The following ZMYND11 variants were observed in gnomAD, a reference collection of about 807,000 sequenced individuals.
ZMYND11 encodes the protein zinc finger MYND domain-containing protein 11.
Under a neutral mutation model 84.9 loss-of-function variants are expected in ZMYND11, and 9 were observed. That is an observed-to-expected ratio of 0.11 (90% CI 0.06 to 0.18). The LOEUF is 0.18. Among genes scored for constraint, ZMYND11 ranks in the 10% least tolerant of loss-of-function variants. The probability of loss-of-function intolerance (pLI) is 1.00; values close to 1 mark genes in which losing one functional copy is unlikely to be tolerated. For synonymous variants in ZMYND11, 250 were observed against 244.1 expected, an observed-to-expected ratio of 1.02 and a Z score of -0.23; for missense variants, 409 against 761.0, an observed-to-expected ratio of 0.54 and a Z score of 5.44.
chr10:184,188 T>G (rs1336525893), intron 2 of ZMYND11, among the ~76,000 whole-genome samples: 1 of 152,202 alleles, frequency 6.6e-6, no homozygotes, highest in African/African-American at 2.4e-5. Context: ...TGATAAAATT[T>G]TAGAATCTCG....
chr10:187,615 A>C (rs1416211820), intron 2 of ZMYND11, among the ~76,000 whole-genome samples: 3 of 140,418 alleles, frequency 2.1e-5, no homozygotes, highest in Middle Eastern at 3.5e-3. Flanking sequence ...GCCTGGGCTA[A>C]ACAGCGGGAC....
chr10:233,565 A>T (rs1949397499), intron 4 of ZMYND11, among the ~76,000 whole-genome samples: 1 of 152,200 alleles, frequency 6.6e-6, no homozygotes, highest in South Asian at 2.1e-4. Context: ...TGGGGTAGTT[A>T]TGAAGGTAAT....
chr10:200,613 A>G (rs990338786), intron 2 of ZMYND11, among the ~76,000 whole-genome samples: 2 of 151,776 alleles, frequency 1.3e-5, no homozygotes, highest in East Asian at 3.9e-4. Context: ...GTCTTGCCCC[A>G]TCTCAAGTTA....
chr10:232,405 C>G (rs568268435), intron 4 of ZMYND11, among the ~76,000 whole-genome samples: 2 of 152,336 alleles, frequency 1.3e-5, no homozygotes, highest in South Asian at 2.1e-4. Context: ...AAAGAAAACC[C>G]TCAAGTTTTT....
At chr10:232,389 T>TCTTG (rs1276091329) in intron 4 of ZMYND11, among the ~76,000 whole-genome samples, 1 of 152,228 alleles carries the variant, frequency 6.6e-6, no homozygotes, top group African/African-American at 2.4e-5. Context: ...AACTGGAAAG[T>TCTTG]CTTGGAAAGA....
chr10:193,101 A>T lies in ZMYND11; in HGVS notation c.116+12973A>T, dbSNP rs560930696. Among the ~76,000 whole-genome samples the T allele has an allele frequency of 7.2e-5, 11 of 152,296 alleles. No individual in the cohort carries two copies. In the South Asian group the frequency reaches 2.1e-3, roughly 29 times the overall value. ...ATGCTTTTGAAATTTTATTTTAAGAAGACCTTATCCTGAAGGAGGCCACAG... is the reference window on the plus strand; with the variant it reads ...ATGCTTTTGAAATTTTATTTTAAGATGACCTTATCCTGAAGGAGGCCACAG... On this transcript the variant is annotated intron_variant, in intron 2 of 14. Coordinates refer to ENST00000381604, the MANE Select transcript of ZMYND11 (RefSeq NM_001370100.5).
chr10:191,323 C>T (rs544377842), intron 2 of ZMYND11, among the ~76,000 whole-genome samples: 11 of 152,226 alleles, frequency 7.2e-5, no homozygotes, highest in Admixed American at 3.3e-4. Context: ...TGTTTCCTTC[C>T]GGCATTTTTT....
intron 2 of ZMYND11, among the ~76,000 whole-genome samples, chr10:183,224 GTT>G (rs1214194132): frequency 3.1e-5 from 4 of 130,728 alleles, no homozygotes; most frequent in Admixed American, 7.6e-5. Context: ...TTTGTTGTTG[GTT>G]TTTTTTTTTT....
At chr10:149,161 A>T (rs2131289387) in intron 1 of ZMYND11, among the ~76,000 whole-genome samples, 1 of 152,104 alleles carries the variant, frequency 6.6e-6, no homozygotes, top group Non-Finnish European at 1.5e-5. Context: ...GGCTGAACCG[A>T]AACTTGCCCA....
intron 2 of ZMYND11, among the ~76,000 whole-genome samples, chr10:207,702 G>A (rs1163591030): frequency 3.3e-5 from 5 of 152,108 alleles, no homozygotes; most frequent in Non-Finnish European, 2.9e-5. Context: ...AATCAATATC[G>A]TGAAAATGGC....
chr10:142,378 A>G (rs1022770032), intron 1 of ZMYND11, among the ~76,000 whole-genome samples: 1 of 152,076 alleles, frequency 6.6e-6, no homozygotes, highest in Admixed American at 6.6e-5. Flanking sequence ...GGTGTGACCC[A>G]CCTTGCCCAG....
At chr10:145,726 C>T (rs1838672565) in intron 1 of ZMYND11, among the ~76,000 whole-genome samples, 1 of 151,930 alleles carries the variant, frequency 6.6e-6, no homozygotes, top group African/African-American at 2.4e-5. Context: ...TGTCATTTGT[C>T]CGCTTTTTGA....
Position 210,274 on chromosome 10 carries a change from T to C in ZMYND11, c.276+226T>C. ...GCTTCTCTATATATTACCTTGAATC[T>C]AAAAAAGAAAGCAAACCAAAGCTCT... is the stretch of plus-strand genomic sequence containing the variant. On this transcript the variant is annotated intron_variant, in intron 3 of 14. Transcript: ENST00000381604. 1.3e-5 allele frequency among the ~76,000 whole-genome samples: 2 copies of C among 152,242 alleles called. 1 individual carries two copies. Among genetic ancestry groups the C allele is most frequent in the Non-Finnish European group, 2.9e-5 (2 of 68,044 alleles).
At chr10:214,945 C>T (rs911806063) in intron 3 of ZMYND11, among the ~76,000 whole-genome samples, 10 of 152,182 alleles carry the variant, frequency 6.6e-5, no homozygotes, top group Admixed American at 1.3e-4. Context: ...ATAAGATACT[C>T]ACTAAAGATG....
At chr10:163,703 T>G (rs1843403071) in intron 1 of ZMYND11, among the ~76,000 whole-genome samples, 1 of 152,126 alleles carries the variant, frequency 6.6e-6, no homozygotes, top group African/African-American at 2.4e-5. Flanking sequence ...TCTGTTTGCC[T>G]GATGTGTCCT....
At chr10:146,442 A>G (rs782368501) in intron 1 of ZMYND11, among the ~76,000 whole-genome samples, 4 of 152,206 alleles carry the variant, frequency 2.6e-5, no homozygotes, top group African/African-American at 4.8e-5. Context: ...CATTGAATCT[A>G]TAGAGTGTTT....
intron 1 of ZMYND11, among the ~76,000 whole-genome samples, chr10:136,649 G>A (rs1588338413): frequency 6.6e-6 from 1 of 152,066 alleles, no homozygotes; most frequent in African/African-American, 2.4e-5. Flanking sequence ...GTAGTATCTG[G>A]ATAGTATTGA....
chr10:168,177 T>C (rs1844460328), intron 1 of ZMYND11, among the ~76,000 whole-genome samples: 1 of 152,156 alleles, frequency 6.6e-6, no homozygotes, highest in African/African-American at 2.4e-5. Context: ...GCAATAATTG[T>C]ATAGGAATCA....
chr10:133,407 G>A (rs1485355123), upstream of ZMYND11, among the ~76,000 whole-genome samples: 2 of 152,112 alleles, frequency 1.3e-5, no homozygotes, highest in African/African-American at 4.8e-5. Flanking sequence ...AGAGCCAAGG[G>A]TTAAATTCTA....
Sources: allele counts gnomAD v4.1 joint callset (sites outside exome capture counted in the v4.1 genomes callset), GRCh38; gene constraint gnomAD v4.1.1; transcripts MANE v1.5; gene names NCBI Gene and HGNC (gene_info 2026-07-23, HGNC 2026-07-21).